CAMKMT: variants seen among roughly 807,000 people sequenced by gnomAD.
CAMKMT encodes the protein CaM KMT.
CAMKMT carries 53 observed loss-of-function variants against 48.0 expected under a neutral mutation model. The ratio of observed to expected loss-of-function variants is 1.10; its 90% confidence interval spans 0.89 to 1.39. CAMKMT has a LOEUF of 1.39. Among genes scored for constraint, CAMKMT ranks in the 40% most tolerant of loss-of-function variants. The pLI is 0.00. For missense variants in CAMKMT, 428 were observed against 402.7 expected, an observed-to-expected ratio of 1.06 and a Z score of -0.54; for synonymous variants, 165 against 152.3, an observed-to-expected ratio of 1.08 and a Z score of -0.61.
intron 3 of CAMKMT, among the ~76,000 whole-genome samples, chr2:44,632,509 A>G (rs547808729): frequency 6.6e-6 from 1 of 152,364 alleles, no homozygotes; most frequent in South Asian, 2.1e-4. Context: ...TAACATGTCT[A>G]TAATTTCACA....
chr2:44,439,855 AC>A (rs1666535616), intron 3 of CAMKMT, among the ~76,000 whole-genome samples: 1 of 152,100 alleles, frequency 6.6e-6, no homozygotes. Flanking sequence ...GGGAGGACTT[AC>A]ATCCATCTGA....
chr2:44,719,062 T>C (rs1678325159), intron 7 of CAMKMT, among the ~76,000 whole-genome samples: 1 of 152,214 alleles, frequency 6.6e-6, no homozygotes, highest in African/African-American at 2.4e-5. Flanking sequence ...TGGTTGATTT[T>C]CCTGGGCCTT....
At chr2:44,394,588 C>G (rs1681651804) in intron 3 of CAMKMT, among the ~76,000 whole-genome samples, 1 of 152,022 alleles carries the variant, frequency 6.6e-6, no homozygotes, top group Non-Finnish European at 1.5e-5. Context: ...CTACTATGTC[C>G]AGCTAATTTT....
chr2:44,498,806 T>C (rs920076381), intron 3 of CAMKMT, among the ~76,000 whole-genome samples: 2 of 152,188 alleles, frequency 1.3e-5, no homozygotes, highest in African/African-American at 4.8e-5. Flanking sequence ...GCAACTGATA[T>C]CTCCTTAATT....
intron 3 of CAMKMT, among the ~76,000 whole-genome samples, chr2:44,509,589 A>G (rs1670435477): frequency 6.6e-6 from 1 of 152,108 alleles, no homozygotes; most frequent in East Asian, 1.9e-4. Flanking sequence ...GTTTTAAAAT[A>G]AGTATAATTC....
At chr2:44,631,583 G>A (rs1672835279) in intron 3 of CAMKMT, 6 of 556,330 alleles carry the variant, frequency 1.1e-5, no homozygotes, top group Admixed American at 6.5e-5. Flanking sequence ...TTAGTAGCAT[G>A]AGCCACTGCT....
chr2:44,465,347 C>T (rs1668056032), intron 3 of CAMKMT, among the ~76,000 whole-genome samples: 1 of 152,078 alleles, frequency 6.6e-6, no homozygotes, highest in African/African-American at 2.4e-5. Flanking sequence ...CCTGTAATCC[C>T]AGCACTTTGG....
intron 3 of CAMKMT, among the ~76,000 whole-genome samples, chr2:44,542,490 TACACATACAC>T (rs1667170611): frequency 1.6e-5 from 1 of 63,006 alleles, no homozygotes. Flanking sequence ...GTAAGACACA[TACACATACAC>T]ACACACACAC....
intron 3 of CAMKMT, among the ~76,000 whole-genome samples, chr2:44,597,893 C>A (rs770461976): frequency 5.3e-5 from 8 of 151,998 alleles, no homozygotes; most frequent in Non-Finnish European, 1.2e-4. Flanking sequence ...TGCACCACCA[C>A]CCTGGGCTAA....
intron 3 of CAMKMT, among the ~76,000 whole-genome samples, chr2:44,392,760 G>A (rs917696033): frequency 2.0e-5 from 3 of 151,898 alleles, no homozygotes; most frequent in Non-Finnish European, 1.5e-5. Flanking sequence ...AAAAATATCA[G>A]TTTAATTTTT....
intron 3 of CAMKMT, among the ~76,000 whole-genome samples, chr2:44,622,043 T>C (rs773922500): frequency 6.6e-6 from 1 of 152,192 alleles, no homozygotes; most frequent in Admixed American, 6.5e-5. Context: ...TCTAAATTAT[T>C]GGCTTGAACA....
chr2:44,570,416 T>TAA (rs139605628), intron 3 of CAMKMT, among the ~76,000 whole-genome samples: 4,241 of 152,302 alleles, frequency 0.028, 188 homozygotes, highest in African/African-American at 0.096. Flanking sequence ...GTGGCAATAC[T>TAA]AAATCTGTTA....
intron 3 of CAMKMT, among the ~76,000 whole-genome samples, chr2:44,417,561 C>T (rs1255275233): frequency 6.6e-6 from 1 of 152,092 alleles, no homozygotes; most frequent in African/African-American, 2.4e-5. Context: ...TTTTCTTTCT[C>T]TTGGGTAAAT....
At chr2:44,758,445 C>A (rs1680473140) in intron 9 of CAMKMT, among the ~76,000 whole-genome samples, 1 of 152,122 alleles carries the variant, frequency 6.6e-6, no homozygotes. Context: ...TTACAGGAGG[C>A]CCCAAATTTT....
chr2:44,598,853 G>C lies in CAMKMT; in HGVS notation c.377-105430G>C, dbSNP rs1026555222. On this transcript the variant is annotated intron_variant, in intron 3 of 10. Transcript: ENST00000378494. ...TTCAAAAAGGCTATATACCATCACA[G>C]GTGTTCAGTACATATACCAAACCTC... Among the ~76,000 whole-genome samples, 17 of 151,336 alleles carry C rather than the reference G, an allele frequency of 1.1e-4. 1 individual carries two copies. Among genetic ancestry groups the C allele is most frequent in the African/African-American group, 4.1e-4 (17 of 41,086 alleles).
intron 3 of CAMKMT, among the ~76,000 whole-genome samples, chr2:44,554,538 C>T (rs1400894232): frequency 1.3e-5 from 2 of 152,058 alleles, no homozygotes; most frequent in Non-Finnish European, 2.9e-5. Context: ...GAGTTCAAGA[C>T]CAGCCTGGGC....
intron 3 of CAMKMT, among the ~76,000 whole-genome samples, chr2:44,601,283 C>T (rs1015475866): frequency 2.0e-5 from 3 of 151,890 alleles, no homozygotes; most frequent in African/African-American, 7.3e-5. Context: ...ATGGAGAAAC[C>T]CCATCTCTAC....
chr2:44,690,813 T>TA (rs1320964571), intron 3 of CAMKMT, among the ~76,000 whole-genome samples: 3 of 151,540 alleles, frequency 2.0e-5, no homozygotes, highest in African/African-American at 7.3e-5. Flanking sequence ...CCGTCTCTAC[T>TA]AAAAATATAA....
At chr2:44,407,761 A>C (rs1452973858) in intron 3 of CAMKMT, among the ~76,000 whole-genome samples, 2 of 152,214 alleles carry the variant, frequency 1.3e-5, no homozygotes, top group South Asian at 2.1e-4. Context: ...AGGTTAAGAT[A>C]AAATAATGAT....
Sources: allele counts gnomAD v4.1 joint callset (sites outside exome capture counted in the v4.1 genomes callset), GRCh38; gene constraint gnomAD v4.1.1; transcripts MANE v1.5; gene names NCBI Gene and HGNC (gene_info 2026-07-23, HGNC 2026-07-21).